PYY: variants seen among roughly 807,000 people sequenced by gnomAD.
The protein encoded by PYY is peptide YY.
PYY carries 12 observed loss-of-function variants against 10.3 expected under a neutral mutation model. The ratio of observed to expected loss-of-function variants is 1.17; its 90% CI spans 0.75 to 1.89. The LOEUF is 1.89. Ranked by LOEUF, PYY falls within the 40% of genes most tolerant of loss-of-function variation. PYY has a pLI of 0.00. For synonymous variants in PYY, 66 were observed against 62.0 expected (o/e 1.06, Z -0.30); for missense variants, 141 against 134.0 (o/e 1.05, Z -0.26).
intron 1 of PYY, among the ~76,000 whole-genome samples, chr17:43,996,911 A>T (rs768894842): frequency 6.6e-6 from 1 of 151,850 alleles, no homozygotes; most frequent in South Asian, 2.1e-4. Context: ...CTGGTCTCAA[A>T]TTCCTGAGCT....
At chr17:44,002,256 C>T (rs539022272) in intron 1 of PYY, among the ~76,000 whole-genome samples, 81 of 152,286 alleles carry the variant, frequency 5.3e-4, no homozygotes, top group Admixed American at 2.5e-3. Context: ...AACGGGTAAG[C>T]GCACTCACTC....
intron 1 of PYY, among the ~76,000 whole-genome samples, chr17:43,991,794 C>T (rs2048958351): frequency 6.6e-6 from 1 of 151,678 alleles, no homozygotes; most frequent in Non-Finnish European, 1.5e-5. Flanking sequence ...TGCACTCTAG[C>T]CTGGGCAACA....
At chr17:43,983,375 C>T (rs1286746691) in intron 1 of PYY, among the ~76,000 whole-genome samples, 1 of 152,228 alleles carries the variant, frequency 6.6e-6, no homozygotes, top group Non-Finnish European at 1.5e-5. Context: ...CCTCCAGTGG[C>T]TCTCCTACCG....
rs2048642774 is a variant in PYY at position 43,953,097 on chromosome 17, G to C, written c.269+12C>G. ...TCTCGGATGCAGGATGTGTGGTAACGGGCGCTTTTACCGCGACCTGACGGG... is the reference window on the plus strand; with the variant it reads ...TCTCGGATGCAGGATGTGTGGTAACCGGCGCTTTTACCGCGACCTGACGGG... On this transcript the variant is annotated intron_variant, in intron 3 of 3. Coordinates refer to ENST00000692052, the MANE Select transcript of PYY (RefSeq NM_001394028.1). The C allele has an allele frequency of 1.9e-6, 3 of 1,613,512 alleles. No homozygotes were observed. Among genetic ancestry groups the C allele is most frequent in the East Asian group, 2.2e-5 (1 of 44,874 alleles).
chr17:43,979,719 C>T (rs1013800137), intron 1 of PYY, among the ~76,000 whole-genome samples: 5 of 146,520 alleles, frequency 3.4e-5, no homozygotes, highest in East Asian at 2.0e-4. Context: ...GCATATCCTG[C>T]GCAATCAGAA....
intron 1 of PYY, among the ~76,000 whole-genome samples, chr17:44,004,196 G>A (rs1291188823): frequency 6.6e-6 from 1 of 151,760 alleles, no homozygotes; most frequent in African/African-American, 2.4e-5. Context: ...TTTGAGCTCA[G>A]GCAACAGGAC....
upstream of PYY, among the ~76,000 whole-genome samples, chr17:43,958,781 G>T (rs962980916): frequency 2.0e-5 from 3 of 152,240 alleles, no homozygotes; most frequent in Non-Finnish European, 4.4e-5. Context: ...CTACCTCTGG[G>T]TTGAGTTGCC....
chr17:43,985,293 C>T (rs2048908711), intron 1 of PYY, among the ~76,000 whole-genome samples: 1 of 152,146 alleles, frequency 6.6e-6, no homozygotes, highest in South Asian at 2.1e-4. Flanking sequence ...TCATTGCAAC[C>T]TCAATTTCCT....
chr17:43,997,222 G>A (rs1197995010), intron 1 of PYY, among the ~76,000 whole-genome samples: 2 of 151,814 alleles, frequency 1.3e-5, no homozygotes, highest in African/African-American at 2.4e-5. Flanking sequence ...TGTATTTTTA[G>A]TAGAGACAGG....
chr17:43,984,111 G>A (rs2048900767), intron 1 of PYY, among the ~76,000 whole-genome samples: 2 of 152,224 alleles, frequency 1.3e-5, no homozygotes, highest in South Asian at 4.1e-4. Context: ...GGGGGCGGCG[G>A]GGCGGCCCCT....
chr17:43,953,427 G>C lies in PYY; in HGVS notation c.57C>G (p.Leu19=). Residue 19 remains leucine, a synonymous_variant, in exon 2 of 4, where the codon CTC becomes CTG. Coordinates refer to ENST00000692052, the MANE Select transcript of PYY (RefSeq NM_001394028.1). ...CGTCGACCAGCGCCCCTAGGCAGAC[G>C]AGCAGGGCCAGAAGCACTGTGGTCA... is the stretch of plus-strand genomic sequence containing the variant. ...PALTTVLLAL[L]VCLGALVDAY... is the part of the protein sequence containing the mutation. 6.2e-7 allele frequency: 1 copy of C among 1,612,908 alleles called. No individual in the cohort carries two copies. Among genetic ancestry groups the C allele is most frequent in the Non-Finnish European group, 8.5e-7 (1 of 1,179,584 alleles).
At chr17:43,994,941 G>A (rs1164193572) in intron 1 of PYY, among the ~76,000 whole-genome samples, 1 of 152,128 alleles carries the variant, frequency 6.6e-6, no homozygotes, top group Non-Finnish European at 1.5e-5. Context: ...TCGCCGCCCC[G>A]GGGCGGTTCC....
intron 1 of PYY, among the ~76,000 whole-genome samples, chr17:44,001,463 G>C (rs2049026338): frequency 6.6e-6 from 1 of 152,122 alleles, no homozygotes; most frequent in African/African-American, 2.4e-5. Context: ...CAACTCAGAG[G>C]GGTGGGGCTG....
intron 1 of PYY, among the ~76,000 whole-genome samples, chr17:43,972,191 T>TCTTATTTTA: frequency 7.2e-6 from 1 of 138,228 alleles, no homozygotes; most frequent in African/African-American, 2.7e-5. Flanking sequence ...TTTTATTTTA[T>TCTTATTTTA]TTTATTTATT....
At chr17:43,954,400 T>C (rs1322704351), upstream of PYY, among the ~76,000 whole-genome samples, 2 of 152,170 alleles carry the variant, frequency 1.3e-5, no homozygotes, top group African/African-American at 2.4e-5. Flanking sequence ...TGTTCAGTAA[T>C]ACCTTGGAGA....
At chr17:43,962,018 A>G (rs1461279505) in intron 2 of PYY, among the ~76,000 whole-genome samples, 1 of 152,084 alleles carries the variant, frequency 6.6e-6, no homozygotes, top group Non-Finnish European at 1.5e-5. Context: ...CTTTCCCATC[A>G]GTCTTAGGAA....
At chr17:43,998,242 C>G (rs2049003812) in intron 1 of PYY, among the ~76,000 whole-genome samples, 1 of 64,558 alleles carries the variant, frequency 1.5e-5, no homozygotes, top group Non-Finnish European at 3.1e-5. Flanking sequence ...CCTGAACCCA[C>G]AGATTTTTTT....
intron 1 of PYY, among the ~76,000 whole-genome samples, chr17:43,991,658 T>G (rs929363158): frequency 1.2e-4 from 18 of 151,954 alleles, no homozygotes. Context: ...ATGGTGAAAC[T>G]CCATCTCTAC....
At chr17:43,977,640 C>T (rs935846990) in intron 1 of PYY, among the ~76,000 whole-genome samples, 5 of 152,138 alleles carry the variant, frequency 3.3e-5, no homozygotes, top group African/African-American at 1.2e-4. Context: ...TCTGTGTCCT[C>T]AGCCCAGTTC....
Sources: gnomAD v4.1 joint callset for allele counts (sites outside exome capture counted in the v4.1 genomes callset) on GRCh38, gnomAD v4.1.1 for gene constraint, MANE v1.5 for transcripts, NCBI Gene and HGNC (gene_info 2026-07-23, HGNC 2026-07-21) for gene names.